ADAMTSL1: variants seen among roughly 807,000 people sequenced by gnomAD.
ADAMTSL1 encodes the protein ADAMTS like 1.
In ADAMTSL1, 126 loss-of-function variants were observed where a neutral mutation model predicts 201.8. The ratio of observed to expected loss-of-function variants is 0.62; its 90% CI spans 0.54 to 0.72. ADAMTSL1 has a LOEUF of 0.72. Among genes scored for constraint, ADAMTSL1 ranks in the 30% least tolerant of loss-of-function variants. The pLI is 0.00. For synonymous variants in ADAMTSL1, 1,121 were observed against 903.4 expected, an observed-to-expected ratio of 1.24 and a Z score of -4.32; for missense variants, 2,679 against 2,277.8, an observed-to-expected ratio of 1.18 and a Z score of -3.59.
chr9:18,271,977 T>C (rs1832388030), intron 2 of ADAMTSL1, among the ~76,000 whole-genome samples: 1 of 150,946 alleles, frequency 6.6e-6, no homozygotes, highest in Non-Finnish European at 1.5e-5. Flanking sequence ...ATGTCTTCTT[T>C]TGAGAAGCGT....
At chr9:18,044,471 A>G (rs924850535) in intron 1 of ADAMTSL1, among the ~76,000 whole-genome samples, 1 of 152,162 alleles carries the variant, frequency 6.6e-6, no homozygotes, top group South Asian at 2.1e-4. Context: ...ACCAGTCTTC[A>G]TAACTCTTGG....
chr9:18,546,875 T>C lies in ADAMTSL1; in HGVS notation c.237+13583T>C, dbSNP rs184973115. Reference sequence around the variant, plus strand: ...AACTGCTGTATTTATTAGCATCCTATGTAGATTTCTTTGGAAGAAAAATAA... The same window carrying C: ...AACTGCTGTATTTATTAGCATCCTACGTAGATTTCTTTGGAAGAAAAATAA... On this transcript the variant is annotated intron_variant, in intron 3 of 28. Coordinates refer to ENST00000380548, the MANE Select transcript of ADAMTSL1 (RefSeq NM_001040272.6). Among the ~76,000 whole-genome samples the C allele has an allele frequency of 1.2e-4, 19 of 152,268 alleles. No individual in the cohort carries two copies. In the East Asian group the frequency reaches 3.3e-3, roughly 26 times the overall value.
chr9:18,407,047 G>C (rs1818236071), intron 2 of ADAMTSL1, among the ~76,000 whole-genome samples: 1 of 152,118 alleles, frequency 6.6e-6, no homozygotes, highest in Non-Finnish European at 1.5e-5. Flanking sequence ...CTAGTAATTA[G>C]GACTATAAAA....
upstream of ADAMTSL1, among the ~76,000 whole-genome samples, chr9:18,470,080 C>CG (rs1563979330): frequency 1.3e-5 from 2 of 152,276 alleles, no homozygotes; most frequent in African/African-American, 4.8e-5. Context: ...CATCTGTCAG[C>CG]GTCTCAGATG....
At chr9:18,168,118 G>GC (rs1827716657) in intron 2 of ADAMTSL1, among the ~76,000 whole-genome samples, 1 of 149,330 alleles carries the variant, frequency 6.7e-6, no homozygotes, top group Non-Finnish European at 1.5e-5. Flanking sequence ...TTCTTAACTA[G>GC]TTTTTTTTTT....
At chr9:18,486,809 T>C (rs1222965131) in intron 1 of ADAMTSL1, among the ~76,000 whole-genome samples, 1 of 152,132 alleles carries the variant, frequency 6.6e-6, no homozygotes, top group African/African-American at 2.4e-5. Context: ...TACCTTTGAG[T>C]GATTATTGTT....
intron 2 of ADAMTSL1, among the ~76,000 whole-genome samples, chr9:18,376,709 G>A (rs939307572): frequency 5.9e-5 from 9 of 152,114 alleles, no homozygotes; most frequent in Non-Finnish European, 1.0e-4. Flanking sequence ...GGGAGGCTGA[G>A]GCTGGAGAAT....
At chr9:18,473,532 T>G (rs181666704), upstream of ADAMTSL1, among the ~76,000 whole-genome samples, 1 of 152,328 alleles carries the variant, frequency 6.6e-6, no homozygotes, top group African/African-American at 2.4e-5. Flanking sequence ...TGCCACTGTT[T>G]AGGCTTAGTG....
intron 2 of ADAMTSL1, among the ~76,000 whole-genome samples, chr9:18,509,131 C>T (rs1817861598): frequency 1.2e-5 from 1 of 80,480 alleles, no homozygotes; most frequent in African/African-American, 6.2e-5. Context: ...TTGCAGTGAG[C>T]CGAGATTGCG....
At chr9:18,351,633 A>C (rs1835968340) in intron 2 of ADAMTSL1, among the ~76,000 whole-genome samples, 3 of 152,208 alleles carry the variant, frequency 2.0e-5, no homozygotes, top group Admixed American at 2.0e-4. Context: ...AAAACAGGAC[A>C]GACCTCCCAG....
At chr9:18,783,435 A>C (rs1821520367) in intron 19 of ADAMTSL1, among the ~76,000 whole-genome samples, 1 of 152,222 alleles carries the variant, frequency 6.6e-6, no homozygotes, top group African/African-American at 2.4e-5. Context: ...TTTGGAGTTA[A>C]ACAAGCACCA....
At chr9:18,636,108 T>A (rs1827095328) in intron 6 of ADAMTSL1, 91 bp downstream of exon 6, 1 of 1,080,850 alleles carries the variant, frequency 9.3e-7, no homozygotes, top group Non-Finnish European at 1.3e-6. Context: ...AACACAAGAA[T>A]ACAAATCTTT....
At chr9:18,240,278 C>G (rs76149299) in intron 2 of ADAMTSL1, among the ~76,000 whole-genome samples, 1 of 151,990 alleles carries the variant, frequency 6.6e-6, no homozygotes, top group African/African-American at 2.4e-5. Flanking sequence ...CTCCTTACAT[C>G]TCTATCAGAA....
chr9:18,090,995 A>G (rs923093892), intron 1 of ADAMTSL1, among the ~76,000 whole-genome samples: 2 of 151,904 alleles, frequency 1.3e-5, no homozygotes, highest in Non-Finnish European at 2.9e-5. Flanking sequence ...CCTCAATGGT[A>G]CCTTCTCCAT....
intron 1 of ADAMTSL1, among the ~76,000 whole-genome samples, chr9:18,156,281 A>G (rs991258900): frequency 8.5e-5 from 13 of 152,098 alleles, no homozygotes; most frequent in African/African-American, 3.1e-4. Flanking sequence ...TGGATGGTTC[A>G]TCTTTATGGC....
intron 2 of ADAMTSL1, among the ~76,000 whole-genome samples, chr9:18,505,335 T>C (rs1415199272): frequency 6.6e-6 from 1 of 152,220 alleles, no homozygotes; most frequent in East Asian, 1.9e-4. Flanking sequence ...GAGTTTATGC[T>C]GGATTTTTAG....
intron 4 of ADAMTSL1, among the ~76,000 whole-genome samples, chr9:18,605,479 A>G (rs1298688558): frequency 6.6e-6 from 1 of 152,210 alleles, no homozygotes; most frequent in East Asian, 1.9e-4. Flanking sequence ...TCAGGCATGC[A>G]ATCTTGACAG....
At position 18,892,429 on chromosome 9, in the gene ADAMTSL1, G is replaced by T. The variant is rs757152243; in HGVS notation, c.4684G>T (p.Gly1562Trp). 8 of 1,613,422 alleles carry T rather than the reference G, an allele frequency of 5.0e-6. No individual in the cohort carries two copies. Among genetic ancestry groups the T allele is most frequent in the Admixed American group, 3.3e-5 (2 of 59,966 alleles). The part of the protein sequence containing the change: ...TSWSACTRSC[G>W]GGVQTRRVTC... ...CTGGTCTGCCTGTACCCGGAGCTGT[G>T]GGGGAGGTGTCCAGACCCGCAGGGT... The change falls in exon 26 of 29, where the codon GGG (glycine) becomes TGG (tryptophan). Residue 1562 changes from glycine to tryptophan, a missense_variant. Coordinates refer to ENST00000380548, the MANE Select transcript of ADAMTSL1 (RefSeq NM_001040272.6).
chr9:18,549,571 A>G (rs1247292076), intron 3 of ADAMTSL1, among the ~76,000 whole-genome samples: 1 of 152,030 alleles, frequency 6.6e-6, no homozygotes, highest in Non-Finnish European at 1.5e-5. Flanking sequence ...GTATGTATGC[A>G]TGTTACATGG....
Sources: gnomAD v4.1 joint callset for allele counts (sites outside exome capture counted in the v4.1 genomes callset) on GRCh38, gnomAD v4.1.1 for gene constraint, MANE v1.5 for transcripts, NCBI Gene and HGNC (gene_info 2026-07-23, HGNC 2026-07-21) for gene names.